PLSCR2: variants seen among roughly 807,000 people sequenced by gnomAD.
PLSCR2 encodes the protein PL scramblase 2.
A neutral mutation model predicts 25.3 loss-of-function variants in PLSCR2; 18 were observed. The ratio of observed to expected loss-of-function variants is 0.71; its 90% CI spans 0.49 to 1.06. The LOEUF is 1.06. Among genes scored for constraint, PLSCR2 ranks in the 50% least tolerant of loss-of-function variants. PLSCR2 has a pLI of 0.00. For synonymous variants in PLSCR2, 88 were observed against 87.3 expected (o/e 1.01, Z -0.04); for missense variants, 243 against 269.5 (o/e 0.90, Z 0.69).
downstream of PLSCR2, among the ~76,000 whole-genome samples, chr3:146,439,177 A>G (rs1283066175): frequency 6.6e-6 from 1 of 152,118 alleles, no homozygotes; most frequent in Non-Finnish European, 1.5e-5. Context: ...TTTGTGGGTA[A>G]CCTGACCTTT....
At chr3:146,454,689 T>A (rs971555034) in intron 4 of PLSCR2, among the ~76,000 whole-genome samples, 1 of 152,328 alleles carries the variant, frequency 6.6e-6, no homozygotes, top group Admixed American at 6.5e-5. Flanking sequence ...CAGAGACATC[T>A]GGTCTCTACA....
intron 2 of PLSCR2, among the ~76,000 whole-genome samples, chr3:146,428,021 A>G (rs2039415938): frequency 6.6e-6 from 1 of 152,118 alleles, no homozygotes; most frequent in Admixed American, 6.6e-5. Flanking sequence ...TTTCACACAC[A>G]CACAAAAATT....
exon 2 of PLSCR2, chr3:146,460,062 T>A: frequency 6.4e-7 from 1 of 1,563,252 alleles, no homozygotes; most frequent in African/African-American, 1.4e-5. Flanking sequence ...GTGCTTAGGG[T>A]AGACAATATG....
chr3:146,425,105 T>C (rs1180061509), intron 2 of PLSCR2, among the ~76,000 whole-genome samples: 1 of 152,086 alleles, frequency 6.6e-6, no homozygotes, highest in Admixed American at 6.6e-5. Flanking sequence ...GTTACAGCCA[T>C]AGTGCCTGAT....
intron 2 of PLSCR2, among the ~76,000 whole-genome samples, chr3:146,418,382 A>T (rs990172377): frequency 1.3e-5 from 2 of 152,170 alleles, no homozygotes; most frequent in African/African-American, 4.8e-5. Context: ...TAAATCTTGC[A>T]TCGGTTGTGA....
At chr3:146,421,104 A>G (rs2039134084) in intron 2 of PLSCR2, among the ~76,000 whole-genome samples, 1 of 152,084 alleles carries the variant, frequency 6.6e-6, no homozygotes, top group Non-Finnish European at 1.5e-5. Flanking sequence ...AAAATGTATT[A>G]GGGCAGGACA....
chr3:146,453,895 A>G, intron 5 of PLSCR2, 107 bp downstream of exon 5: 2 of 821,556 alleles, frequency 2.4e-6, no homozygotes, highest in Non-Finnish European at 3.6e-6. Flanking sequence ...TTATCTTGCT[A>G]TTGAGACATC....
intron 1 of PLSCR2, among the ~76,000 whole-genome samples, chr3:146,486,256 A>G (rs1397440705): frequency 6.6e-6 from 1 of 152,150 alleles, no homozygotes; most frequent in African/African-American, 2.4e-5. Flanking sequence ...CAACTAAAAG[A>G]ACTAGAGAAG....
At chr3:146,482,422 A>AACAG (rs1318298613) in intron 1 of PLSCR2, among the ~76,000 whole-genome samples, 15 of 152,234 alleles carry the variant, frequency 9.9e-5, no homozygotes, top group African/African-American at 3.4e-4. Flanking sequence ...AAAGGATATG[A>AACAG]ACAGACACTT....
chr3:146,460,257 C>T, exon 1 of PLSCR2: 1 of 1,360,052 alleles, frequency 7.4e-7, no homozygotes, highest in Non-Finnish European at 9.5e-7. Flanking sequence ...TGTGGTTTCA[C>T]ATTCACTTCT....
chr3:146,447,267 T>G (rs906073828), intron 6 of PLSCR2, among the ~76,000 whole-genome samples: 1 of 152,150 alleles, frequency 6.6e-6, no homozygotes, highest in African/African-American at 2.4e-5. Context: ...GAGGGTTATC[T>G]CCCCATATCT....
chr3:146,495,588 T>C (rs145956000), intron 1 of PLSCR2, among the ~76,000 whole-genome samples: 4 of 152,268 alleles, frequency 2.6e-5, no homozygotes, highest in African/African-American at 9.6e-5. Flanking sequence ...GCTTCTGCCC[T>C]GTGAGGTTAC....
chr3:146,473,156 T>C (rs1482005113), intron 1 of PLSCR2, among the ~76,000 whole-genome samples: 3 of 152,190 alleles, frequency 2.0e-5, no homozygotes, highest in Non-Finnish European at 4.4e-5. Context: ...ACATCTGCTT[T>C]TTTTCATATT....
At chr3:146,463,281 A>G (rs2041706148), upstream of PLSCR2, among the ~76,000 whole-genome samples, 1 of 151,906 alleles carries the variant, frequency 6.6e-6, no homozygotes, top group Non-Finnish European at 1.5e-5. Context: ...GATTCACGCC[A>G]TTCTCCTGTC....
At chr3:146,398,941 C>A (rs2038370051) in intron 2 of PLSCR2, 1 of 151,976 alleles carries the variant, frequency 6.6e-6, no homozygotes, top group Non-Finnish European at 1.5e-5. Flanking sequence ...ACAGAACTTT[C>A]TGTATTTAAG....
intron 2 of PLSCR2, among the ~76,000 whole-genome samples, chr3:146,398,093 A>G (rs188522159): frequency 1.5e-4 from 23 of 152,092 alleles, no homozygotes; most frequent in Admixed American, 1.4e-3. Flanking sequence ...CACATCTACT[A>G]TGATGTTAAA....
At chr3:146,467,024 T>C (rs937578564) in intron 1 of PLSCR2, among the ~76,000 whole-genome samples, 1 of 152,182 alleles carries the variant, frequency 6.6e-6, no homozygotes, top group African/African-American at 2.4e-5. Flanking sequence ...TTTTGGGAAA[T>C]GAAAAGCACA....
chr3:146,395,107 A>G (rs555885426), intron 3 of PLSCR2, among the ~76,000 whole-genome samples: 2 of 152,216 alleles, frequency 1.3e-5, no homozygotes, highest in African/African-American at 2.4e-5. Context: ...TGCAAAAATG[A>G]ACTAATACAA....
intron 1 of PLSCR2, chr3:146,494,679 G>C (rs1236889532): frequency 6.6e-6 from 1 of 152,096 alleles, no homozygotes; most frequent in African/African-American, 2.4e-5. Context: ...AACACTCATG[G>C]TTTAAATACT....
Sources: gnomAD v4.1 joint callset for allele counts (sites outside exome capture counted in the v4.1 genomes callset) on GRCh38, gnomAD v4.1.1 for gene constraint, MANE v1.5 for transcripts, NCBI Gene and HGNC (gene_info 2026-07-23, HGNC 2026-07-21) for gene names.